STK36: variants seen among roughly 807,000 people sequenced by gnomAD.
The protein encoded by STK36 is serine/threonine-protein kinase 36.
STK36 carries 116 observed loss-of-function variants against 142.2 expected under a neutral mutation model. The ratio of observed to expected loss-of-function variants is 0.82; its 90% CI spans 0.70 to 0.95. The LOEUF is 0.95. Among genes scored for constraint, STK36 ranks in the 40% least tolerant of loss-of-function variants. The pLI is 0.00. For synonymous variants in STK36, 619 were observed against 641.7 expected, an observed-to-expected ratio of 0.96 and a Z score of 0.53; for missense variants, 1,422 against 1,617.2, an observed-to-expected ratio of 0.88 and a Z score of 2.07.
chr2:218,689,889 C>T lies in STK36; in HGVS notation c.1591C>T (p.Leu531=). 6.2e-7 allele frequency: 1 copy of T among 1,609,968 alleles called. No individual in the cohort carries two copies. Residue 531 remains leucine, a synonymous_variant, in exon 13 of 27, where the codon CTG becomes TTG. Coordinates refer to ENST00000295709, the MANE Select transcript of STK36 (RefSeq NM_015690.5). ...TTGGTATGGGACCTTCTTACAGGACCTGATGGCTGTGATTCAGGCCTACTT... is the reference window on the plus strand; with the variant it reads ...TTGGTATGGGACCTTCTTACAGGACTTGATGGCTGTGATTCAGGCCTACTT... ...QSWYGTFLQD[L]MAVIQAYFAC...
intron 14 of STK36, among the ~76,000 whole-genome samples, chr2:218,691,685 A>G (rs923170706): frequency 2.6e-5 from 4 of 152,072 alleles, no homozygotes; most frequent in African/African-American, 7.2e-5. Context: ...CCTCTTGAGT[A>G]GCTGAGACTA....
At chr2:218,700,463 A>G (rs1212407291) in intron 26 of STK36, among the ~76,000 whole-genome samples, 1 of 151,800 alleles carries the variant, frequency 6.6e-6, no homozygotes, top group African/African-American at 2.4e-5. Context: ...GTACAATGGC[A>G]CAATGTTGGC....
intron 14 of STK36, among the ~76,000 whole-genome samples, chr2:218,691,869 T>G (rs1410705632): frequency 6.6e-6 from 1 of 152,152 alleles, no homozygotes; most frequent in African/African-American, 2.4e-5. Flanking sequence ...CCCCTAGGAA[T>G]TCTTATACTC....
Position 218,688,753 on chromosome 2 carries a change from G to A in STK36, c.1437G>A (p.Leu479=), listed in dbSNP as rs1940878588. 4.3e-6 allele frequency: 7 copies of A among 1,614,146 alleles called. No homozygotes were observed. Among genetic ancestry groups the A allele is most frequent in the Non-Finnish European group, 5.9e-6 (7 of 1,180,002 alleles). Residue 479 remains leucine (L), a synonymous_variant, in exon 12 of 27, where the codon CTG becomes CTA. Coordinates refer to ENST00000295709, the MANE Select transcript of STK36 (RefSeq NM_015690.5). ...ACATCCTGCCTGCATTCCGGGTCCT[G>A]AGCAGTCTTCTCTCCAGCTGCAGTG... ...ASHILPAFRV[L]SSLLSSCSDS...
rs1462556225 is a variant in STK36 at position 218,676,247 on chromosome 2, G to A, written c.653G>A (p.Arg218His). 6.2e-7 allele frequency: 1 copy of A among 1,614,176 alleles called. No homozygotes were observed. Among genetic ancestry groups the A allele is most frequent in the Middle Eastern group, 1.7e-4 (1 of 6,060 alleles). The change falls in exon 6 of 27, where the codon CGC becomes CAC. Residue 218 changes from arginine to histidine, a missense_variant. By Grantham distance (29) the Arg-to-His change is conservative. This residue lies in a region of STK36 where 460 missense variants were observed against 449.6 expected (regional missense o/e 1.02). Transcript: ENST00000295709. The part of the protein sequence containing the change: ...LVSLILKDPV[R>H]WPSTISPCFK... ...AGCCTCATTCTCAAGGACCCTGTGC[G>A]CTGGCCCTCAACCATCAGTCCCTGC...
chr2:218,697,690 G>A, intron 24 of STK36, 80 bp downstream of exon 24: 1 of 1,599,044 alleles, frequency 6.3e-7, no homozygotes, highest in South Asian at 1.1e-5. Context: ...GTTACTGACA[G>A]ATTGAGCTAT....
chr2:218,679,792 A>C, intron 8 of STK36, 63 bp downstream of exon 8: 1 of 1,610,154 alleles, frequency 6.2e-7, no homozygotes, highest in Non-Finnish European at 8.5e-7. Flanking sequence ...TTAGAGGAGG[A>C]GGGTGACTTT....
intron 13 of STK36, 49 bp downstream of exon 13, chr2:218,690,005 C>G: frequency 6.6e-7 from 1 of 1,511,558 alleles, no homozygotes. Context: ...GCTTCTGTTT[C>G]TACCCCAAGT....
chr2:218,698,508 A>G, intron 25 of STK36, 94 bp from the exon 26 acceptor site: 2 of 1,482,388 alleles, frequency 1.3e-6, no homozygotes, highest in Admixed American at 2.1e-5. Context: ...ATTTCTCACC[A>G]TAGCTTGGCT....
chr2:218,699,509 C>T (rs1263045717), intron 26 of STK36, among the ~76,000 whole-genome samples, 161 bp downstream of exon 26: 3 of 152,072 alleles, frequency 2.0e-5, no homozygotes, highest in Non-Finnish European at 4.4e-5. Context: ...AGTTACATCT[C>T]CTGCCTTGGA....
At position 218,694,700 on chromosome 2, in the gene STK36, G is replaced by A. The variant is rs1285673701; in HGVS notation, c.2511+65G>A. ...AGTCAGACACTAGGACTGCATTCAA[G>A]GGGAAAAGACTGAAATGCCAGCAAG... is the stretch of plus-strand genomic sequence containing the variant. On this transcript the variant is annotated intron_variant, in intron 21 of 26. Coordinates refer to ENST00000295709, the MANE Select transcript of STK36 (RefSeq NM_015690.5). The surrounding 1 kb of genome is among the most constrained non-coding windows in gnomAD (Gnocchi z 4.4). The A allele has an allele frequency of 7.2e-7, 1 of 1,395,856 alleles. No individual in the cohort carries two copies. The highest frequency in any genetic ancestry group is 2.3e-5 in the East Asian group (1 of 43,278). 86.5% of individuals were successfully genotyped at this position (1,395,856 alleles called of 1,614,324 possible).
rs763459443 is a variant in STK36, at chr2:218,694,293, C to CTCTCT, written c.2368_2372dup (p.Thr792SerfsTer11). 9.3e-6 allele frequency: 15 copies of CTCTCT among 1,614,044 alleles called. No homozygotes were observed. In the African/African-American group the frequency reaches 2.0e-4, roughly 22 times the overall value. ...GAGAAGCTAGGCAGTGACGTTGCTA[C>CTCTCT]TCTCTTTACCCATTCGCATGTCGTC... is the stretch of plus-strand genomic sequence containing the variant. On this transcript the variant is annotated frameshift_variant, in exon 20 of 27. Coordinates refer to ENST00000295709, the MANE Select transcript of STK36 (RefSeq NM_015690.5). LOFTEE classifies it high-confidence loss of function. The surrounding 1 kb of genome is among the most constrained non-coding windows in gnomAD (Gnocchi z 4.4).
rs1239319516 is a variant in STK36 at position 218,679,951 on chromosome 2, C to T, written c.1007C>T (p.Pro336Leu). 7 of 1,614,120 alleles carry T rather than the reference C, an allele frequency of 4.3e-6. No individual in the cohort carries two copies. The Admixed American group carries it at 1.2e-4, about 27-fold the overall frequency. Residue 336 changes from proline (P) to leucine (L), a missense_variant, in exon 9 of 27, where the codon CCT becomes CTT. This residue lies in a region of STK36 where 460 missense variants were observed against 449.6 expected (regional missense o/e 1.02). Transcript: ENST00000295709. ...GAGGACAAGACCAGCAAGGTGGCTCCTGGCACAGCCCCTCTGCCCAGACTC... is the reference window on the plus strand; with the variant it reads ...GAGGACAAGACCAGCAAGGTGGCTCTTGGCACAGCCCCTCTGCCCAGACTC... The part of the protein sequence containing the change: ...EQEDKTSKVA[P>L]GTAPLPRLGA...
At chr2:218,685,430 G>A (rs929267703) in intron 11 of STK36, among the ~76,000 whole-genome samples, 3 of 152,148 alleles carry the variant, frequency 2.0e-5, no homozygotes, top group Admixed American at 6.5e-5. Context: ...AGGGAAAAAT[G>A]CCTACTAGAA....
At chr2:218,689,126 C>T (rs1010868619) in intron 12 of STK36, among the ~76,000 whole-genome samples, 1 of 152,156 alleles carries the variant, frequency 6.6e-6, no homozygotes, top group African/African-American at 2.4e-5. Context: ...TCACATGCCT[C>T]CTCTAAATAG....
intron 22 of STK36, 22 bp downstream of exon 22, chr2:218,696,623 G>C (rs1478905673): frequency 6.2e-7 from 1 of 1,612,598 alleles, no homozygotes; most frequent in East Asian, 2.2e-5. Flanking sequence ...TCTTGGGATG[G>C]ATGGGAAGTA....
rs1559326056 is a variant in STK36 at position 218,672,727 on chromosome 2, C to T, written c.-89-14C>T. The stretch of plus-strand genomic sequence containing the variant: ...AAGGTGGCTAACATTTTTCCTTTCC[C>T]GTGCCCCAACTAGGCGTCCCAGATG... On this transcript the variant is annotated splice_polypyrimidine_tract_variant and intron_variant, in intron 1 of 26. Coordinates refer to ENST00000295709, the MANE Select transcript of STK36 (RefSeq NM_015690.5). 9 of 1,138,894 alleles carry T rather than the reference C, an allele frequency of 7.9e-6. No homozygotes were observed. Among genetic ancestry groups the T allele is most frequent in the East Asian group, 2.4e-5 (1 of 42,006 alleles). 70.5% of individuals were successfully genotyped at this position (1,138,894 alleles called of 1,614,324 possible). A position where few individuals can be genotyped will look rare whatever the true frequency, so the allele number is the denominator to read the frequency against.
At position 218,680,712 on chromosome 2, in the gene STK36, A is replaced by G. The variant is rs1379809443; in HGVS notation, c.1236+10A>G. On this transcript the variant is annotated intron_variant, in intron 10 of 26. Transcript: ENST00000295709. ...GGACCTGGAAAATGAGGTGAGCCCTAGGGTCTCTTACTGACTTTGTCTCTT... is the reference window on the plus strand; with the variant it reads ...GGACCTGGAAAATGAGGTGAGCCCTGGGGTCTCTTACTGACTTTGTCTCTT... 80 of 1,605,590 alleles carry G rather than the reference A, an allele frequency of 5.0e-5. No individual in the cohort carries two copies. Among genetic ancestry groups the G allele is most frequent in the Non-Finnish European group, 6.5e-5 (77 of 1,176,058 alleles).
chr2:218,676,180 G>A lies in STK36; in HGVS notation c.586G>A (p.Gly196Ser). The A allele has an allele frequency of 6.2e-7, 1 of 1,614,144 alleles. No homozygotes were observed. The change falls in exon 6 of 27, where the codon GGC becomes AGC. Residue 196 changes from glycine to serine, a missense_variant. Physicochemically the swap from Gly to Ser is moderately conservative, Grantham distance 56. Transcript: ENST00000295709. ...VGCILYELAV[G>S]TPPFYATSIF... Reference sequence around the variant, plus strand: ...CTGCATACTATATGAACTGGCAGTAGGCACCCCTCCCTTCTATGCTACAAG... The same window carrying A: ...CTGCATACTATATGAACTGGCAGTAAGCACCCCTCCCTTCTATGCTACAAG...
Sources: allele counts gnomAD v4.1 joint callset (sites outside exome capture counted in the v4.1 genomes callset), GRCh38; gene constraint gnomAD v4.1.1; regional missense constraint gnomAD v4.1.1; non-coding constraint Gnocchi (gnomAD v3.1); transcripts MANE v1.5; gene names NCBI Gene and HGNC (gene_info 2026-07-23, HGNC 2026-07-21).